Variants in ITPRID1 observed in about 807,000 individuals in gnomAD.
ITPRID1 encodes protein ITPRID1.
In ITPRID1, 96 loss-of-function variants were observed where a neutral mutation model predicts 95.4. That is an observed-to-expected ratio of 1.01 (90% CI 0.85 to 1.19). The LOEUF is 1.19. ITPRID1 is among the 50% of genes most tolerant of loss of function. The pLI is 0.00. For missense variants in ITPRID1, 1,339 were observed against 1,252.9 expected, an observed-to-expected ratio of 1.07 and a Z score of -1.04; for synonymous variants, 510 against 453.6, an observed-to-expected ratio of 1.12 and a Z score of -1.58.
intron 1 of ITPRID1, among the ~76,000 whole-genome samples, chr7:31,522,836 T>C (rs972227153): frequency 6.6e-6 from 1 of 152,218 alleles, no homozygotes; most frequent in African/African-American, 2.4e-5. Context: ...GTTCGTTAAC[T>C]TAAAGGTATA....
chr7:31,554,551 A>C, intron 4 of ITPRID1, 28 bp downstream of exon 4: 3 of 1,610,644 alleles, frequency 1.9e-6, no homozygotes, highest in Non-Finnish European at 2.5e-6. Flanking sequence ...TGTGTGCCTT[A>C]CATGTTTCTC....
chr7:31,618,180 C>T (rs953766227), intron 10 of ITPRID1, among the ~76,000 whole-genome samples: 6 of 152,156 alleles, frequency 3.9e-5, no homozygotes, highest in Non-Finnish European at 8.8e-5. Context: ...GTGACCATTT[C>T]CCCAAACTTA....
intron 6 of ITPRID1, among the ~76,000 whole-genome samples, chr7:31,570,704 G>A (rs1027956871): frequency 6.6e-6 from 1 of 152,198 alleles, no homozygotes; most frequent in Non-Finnish European, 1.5e-5. Flanking sequence ...GCCAGGTTCT[G>A]TGACCAACTC....
At chr7:31,572,736 A>G (rs1284017832) in intron 7 of ITPRID1, among the ~76,000 whole-genome samples, 2 of 152,150 alleles carry the variant, frequency 1.3e-5, no homozygotes, top group Non-Finnish European at 2.9e-5. Flanking sequence ...AATTTCTTCC[A>G]CCATTAAGTA....
chr7:31,569,849 G>A (rs772616982), intron 6 of ITPRID1, 40 bp downstream of exon 6: 1 of 1,517,672 alleles, frequency 6.6e-7, no homozygotes, highest in East Asian at 2.4e-5. Flanking sequence ...CCAATATTTT[G>A]CAGCCACACC....
intron 10 of ITPRID1, among the ~76,000 whole-genome samples, chr7:31,621,281 G>T (rs1244030054): frequency 8.9e-5 from 8 of 90,296 alleles, no homozygotes; most frequent in Non-Finnish European, 1.8e-4. Flanking sequence ...TCCTCGAGAA[G>T]AGCAACTCCA....
At chr7:31,645,655 A>C (rs1790400020) in intron 12 of ITPRID1, among the ~76,000 whole-genome samples, 1 of 152,146 alleles carries the variant, frequency 6.6e-6, no homozygotes, top group African/African-American at 2.4e-5. Context: ...GGGGATTTTA[A>C]ATGCCCTAAG....
intron 1 of ITPRID1, among the ~76,000 whole-genome samples, chr7:31,519,535 A>G (rs951608120): frequency 6.0e-5 from 9 of 149,902 alleles, no homozygotes; most frequent in South Asian, 4.2e-4. Flanking sequence ...TTCCATCTAT[A>G]CATAGATATA....
intron 10 of ITPRID1, among the ~76,000 whole-genome samples, chr7:31,640,649 T>C (rs1252508165): frequency 6.6e-6 from 1 of 152,186 alleles, no homozygotes; most frequent in East Asian, 1.9e-4. Flanking sequence ...AAACTTTTTT[T>C]TTTTTTTCCA....
intron 10 of ITPRID1, among the ~76,000 whole-genome samples, chr7:31,614,782 A>G (rs1787048148): frequency 6.6e-6 from 1 of 152,186 alleles, no homozygotes; most frequent in South Asian, 2.1e-4. Flanking sequence ...CATCATTGTC[A>G]TCTGGTTTGA....
In ITPRID1 at chr7:31,653,102, A is replaced by G; in HGVS notation, c.*273A>G. The stretch of plus-strand genomic sequence containing the variant: ...TCTGCCCTGCTAGAACTTACAGTGT[A>G]GTGGGGGAGATAGAATTGCAAACAA... On this transcript the variant is annotated 3_prime_UTR_variant, in exon 15 of 15. Transcript: ENST00000615280. 1 of 633,650 alleles carries G rather than the reference A, an allele frequency of 1.6e-6. No individual in the cohort carries two copies. The highest frequency in any genetic ancestry group is 2.3e-6 in the Non-Finnish European group (1 of 435,544). 39.3% of individuals were successfully genotyped at this position (633,650 alleles called of 1,614,324 possible). A position where few individuals can be genotyped will look rare whatever the true frequency, so the allele number is the denominator to read the frequency against.
intron 5 of ITPRID1, among the ~76,000 whole-genome samples, chr7:31,563,413 G>A (rs913808356): frequency 5.3e-5 from 8 of 152,106 alleles, no homozygotes; most frequent in African/African-American, 1.9e-4. Context: ...TGATGTCTTA[G>A]GGCTGAGATG....
At position 31,643,354 on chromosome 7, in the gene ITPRID1, A is replaced by G. The variant is rs779687036; in HGVS notation, c.1984A>G (p.Lys662Glu). 2 of 1,613,976 alleles carry G rather than the reference A, an allele frequency of 1.2e-6. No homozygotes were observed. The highest frequency in any genetic ancestry group is 1.7e-6 in the Non-Finnish European group (2 of 1,179,888). Residue 662 changes from lysine to glutamate, a missense_variant, in exon 12 of 15, where the codon AAG becomes GAG. By Grantham distance (56) the Lys-to-Glu change is moderately conservative (BLOSUM62 1). Coordinates refer to ENST00000615280, the MANE Select transcript of ITPRID1 (RefSeq NM_001257967.3). ...AACTGACCTTGCTCAAACATCTGAA[A>G]AGCTCATTCCCCACCTCCATAAACT... is the stretch of plus-strand genomic sequence containing the variant. ...YATDLAQTSE[K>E]LIPHLHKLPG...
chr7:31,637,780 C>T (rs950182096), intron 10 of ITPRID1, among the ~76,000 whole-genome samples: 4 of 152,166 alleles, frequency 2.6e-5, no homozygotes, highest in African/African-American at 7.2e-5. Context: ...GTTGCCATTG[C>T]TTTTAGTGTT....
intron 10 of ITPRID1, among the ~76,000 whole-genome samples, chr7:31,624,689 T>C (rs1484598066): frequency 1.3e-5 from 2 of 150,388 alleles, no homozygotes. Flanking sequence ...ACCTAGGCAT[T>C]ACCATTCAGG....
rs749104290 is a variant in ITPRID1, at chr7:31,583,214, G to A, written c.1228+23G>A. ...TAGGTAAGAATTCATCAAGGTGTGT[G>A]ATCTCATCAATGGTCTTTCAGAATG... On this transcript the variant is annotated intron_variant, in intron 10 of 14. Coordinates refer to ENST00000615280, the MANE Select transcript of ITPRID1 (RefSeq NM_001257967.3). 9 of 1,533,876 alleles carry A rather than the reference G, an allele frequency of 5.9e-6. No individual in the cohort carries two copies. The African/African-American group carries it at 6.8e-5, about 12-fold the overall frequency.
Position 31,571,032 on chromosome 7 carries a change from T to TG in ITPRID1, c.309-1069dup, listed in dbSNP as rs1784969620. ...ACAGGGCCCAGCTATTGTTTTTTTT[T>TG]GTTTGTTTGTTTGTTTTTGAGACAG... is the stretch of plus-strand genomic sequence containing the variant. On this transcript the variant is annotated intron_variant, in intron 6 of 14. Transcript: ENST00000615280. Among the ~76,000 whole-genome samples the TG allele has an allele frequency of 2.0e-5, 3 of 151,152 alleles. No homozygotes were observed. The South Asian group carries it at 6.3e-4, about 32-fold the overall frequency.
At chr7:31,515,997 T>C (rs955571429) in intron 1 of ITPRID1, among the ~76,000 whole-genome samples, 1 of 152,180 alleles carries the variant, frequency 6.6e-6, no homozygotes, top group Non-Finnish European at 1.5e-5. Flanking sequence ...AGTTTTTTTT[T>C]GCCAACAAAA....
intron 1 of ITPRID1, among the ~76,000 whole-genome samples, chr7:31,536,297 T>G (rs897736968): frequency 1.3e-5 from 2 of 152,198 alleles, no homozygotes; most frequent in Non-Finnish European, 2.9e-5. Flanking sequence ...CCACATTATT[T>G]TTCATGTCTT....
Sources: gnomAD v4.1 joint callset for allele counts (sites outside exome capture counted in the v4.1 genomes callset) on GRCh38, gnomAD v4.1.1 for gene constraint, MANE v1.5 for transcripts, NCBI Gene and HGNC (gene_info 2026-07-23, HGNC 2026-07-21) for gene names.